The following GALR1 variants were observed in gnomAD, a reference collection of about 807,000 sequenced individuals.
The protein encoded by GALR1 is galanin receptor type 1.
In GALR1, 11 loss-of-function variants were observed where a neutral mutation model predicts 17.9. That is an observed-to-expected ratio of 0.62 (90% CI 0.39 to 1.02). GALR1 has a LOEUF of 1.02. Ranked by LOEUF, GALR1 falls within the 50% of genes least tolerant of loss-of-function variation. The probability of loss-of-function intolerance (pLI) is 0.01; values close to 1 mark genes in which losing one functional copy is unlikely to be tolerated. For synonymous variants in GALR1, 206 were observed against 205.7 expected (o/e 1.00, Z -0.01); for missense variants, 441 against 456.9 (o/e 0.97, Z 0.32).
chr18:77,254,402 G>A (rs1022849432), intron 1 of GALR1, among the ~76,000 whole-genome samples: 2 of 152,200 alleles, frequency 1.3e-5, no homozygotes, highest in Non-Finnish European at 2.9e-5. Flanking sequence ...AACATTCTTG[G>A]GTGTTTTGAA....
intron 2 of GALR1, among the ~76,000 whole-genome samples, chr18:77,260,047 T>G (rs998400719): frequency 5.9e-5 from 9 of 152,140 alleles, no homozygotes; most frequent in Admixed American, 5.9e-4. Flanking sequence ...TTTCTCTCAA[T>G]GTATAAGTAA....
Position 77,273,428 on chromosome 18 carries a change from G to T in GALR1, c.*4526G>T, listed in dbSNP as rs1220764268. 1.3e-5 allele frequency: 2 copies of T among 152,204 alleles called. No homozygotes were observed. The highest frequency in any genetic ancestry group is 2.9e-5 in the Non-Finnish European group (2 of 68,078). The allele number at this position is 152,204 out of a possible 1,614,324, so 9.4% of individuals were successfully genotyped here. A position where few individuals can be genotyped will look rare whatever the true frequency, so the allele number is the denominator to read the frequency against. ...GGCCGAGGCAGGTGGATCACCTGAG[G>T]TCGGGAGTTCGAGACCAGCCTGACC... On this transcript the variant is annotated 3_prime_UTR_variant, in exon 3 of 3. Coordinates refer to ENST00000299727, the MANE Select transcript of GALR1 (RefSeq NM_001480.4).
At chr18:77,258,841 G>GATC (rs1912698982) in intron 2 of GALR1, among the ~76,000 whole-genome samples, 1 of 3,850 alleles carries the variant, frequency 2.6e-4, no homozygotes, top group African/African-American at 6.9e-4. Context: ...TGATGGTGGT[G>GATC]ATGGTGGTGG....
At chr18:77,251,948 C>T (rs1196916514) in intron 1 of GALR1, among the ~76,000 whole-genome samples, 1 of 152,210 alleles carries the variant, frequency 6.6e-6, no homozygotes, top group East Asian at 1.9e-4. Context: ...CCGCAGGCTC[C>T]AGGAACTTGG....
At chr18:77,264,917 G>C (rs1912914343) in intron 2 of GALR1, among the ~76,000 whole-genome samples, 1 of 152,112 alleles carries the variant, frequency 6.6e-6, no homozygotes, top group Non-Finnish European at 1.5e-5. Context: ...GGGGATTATA[G>C]GAACTACAAT....
At chr18:77,256,085 A>G (rs771158467) in intron 1 of GALR1, 73 bp from the exon 2 acceptor site, 10 of 778,704 alleles carry the variant, frequency 1.3e-5, no homozygotes, top group Admixed American at 2.2e-5. Flanking sequence ...GCATGTCAAT[A>G]ATTGTTAATG....
Position 77,271,660 on chromosome 18 carries a change from T to C in GALR1, c.*2758T>C, listed in dbSNP as rs1913068533. The stretch of plus-strand genomic sequence containing the variant: ...CAGGTTGAGGGAGAAATATTGCTTA[T>C]ACCTTTGAAGTCAGGCTGCTTGAAA... On this transcript the variant is annotated 3_prime_UTR_variant, in exon 3 of 3. Coordinates refer to ENST00000299727, the MANE Select transcript of GALR1 (RefSeq NM_001480.4). 1 of 152,202 alleles carries C rather than the reference T, an allele frequency of 6.6e-6. No individual in the cohort carries two copies. The highest frequency in any genetic ancestry group is 1.5e-5 in the Non-Finnish European group (1 of 68,040). 9.4% of individuals were successfully genotyped at this position (152,202 alleles called of 1,614,324 possible).
rs577285257 is a variant in GALR1, at chr18:77,250,595, C to A, written c.47C>A (p.Pro16Gln). 2.3e-5 allele frequency: 35 copies of A among 1,552,090 alleles called. No individual in the cohort carries two copies. The African/African-American group carries it at 4.4e-4, about 19-fold the overall frequency. Residue 16 changes from proline (P) to glutamine (Q), a missense_variant, in exon 1 of 3, where the codon CCG becomes CAG. Physicochemically the swap from Pro to Gln is moderately conservative, Grantham distance 76. Coordinates refer to ENST00000299727, the MANE Select transcript of GALR1 (RefSeq NM_001480.4). ...CTCAGCGAGGGCAACGCGAGCTGGC[C>A]GGAGCCCCCCGCCCCGGAGCCCGGG... ...GNLSEGNASW[P>Q]EPPAPEPGPL... is the part of the protein sequence containing the mutation.
intron 2 of GALR1, among the ~76,000 whole-genome samples, chr18:77,257,305 TTA>T (rs1327622704): frequency 6.6e-6 from 1 of 152,136 alleles, no homozygotes; most frequent in African/African-American, 2.4e-5. Flanking sequence ...AAAAATTAGC[TTA>T]TGTTAGAAAT....
rs199730182 is a variant in GALR1 at position 77,268,728 on chromosome 18, G to A, written c.876G>A (p.Ala292=). 5.5e-5 allele frequency: 89 copies of A among 1,613,984 alleles called. No homozygotes were observed. Among genetic ancestry groups the A allele is most frequent in the Non-Finnish European group, 7.3e-5 (86 of 1,180,044 alleles). The change falls in exon 3 of 3, where the codon GCG becomes GCA. Residue 292 remains alanine (A), a synonymous_variant. Coordinates refer to ENST00000299727, the MANE Select transcript of GALR1 (RefSeq NM_001480.4). ...TCAGAATCACCGCCCACTGCCTGGC[G>A]TACAGCAATTCCTCCGTGAATCCTA... The part of the protein sequence containing the change: ...FLFRITAHCL[A]YSNSSVNPII...
At chr18:77,261,052 C>G (rs1315989567) in intron 2 of GALR1, among the ~76,000 whole-genome samples, 2 of 151,508 alleles carry the variant, frequency 1.3e-5, no homozygotes, top group Non-Finnish European at 2.9e-5. Flanking sequence ...TTCTCCCCAG[C>G]CAAATTCCAT....
chr18:77,258,815 GTGGTGGTGGTGC>G (rs1308558439), intron 2 of GALR1, among the ~76,000 whole-genome samples: 3 of 102,548 alleles, frequency 2.9e-5, no homozygotes, highest in African/African-American at 1.2e-4. Context: ...GGTGGTCATA[GTGGTGGTGGTGC>G]TGGTGATGGT....
chr18:77,252,923 T>TCACCACCATCAC (rs1912475536), intron 1 of GALR1, among the ~76,000 whole-genome samples: 3 of 84,688 alleles, frequency 3.5e-5, no homozygotes, highest in African/African-American at 4.9e-5. Context: ...ACCACCACCA[T>TCACCACCATCAC]CACCACCACC....
chr18:77,263,507 C>T (rs1430448131), intron 2 of GALR1, among the ~76,000 whole-genome samples: 1 of 152,192 alleles, frequency 6.6e-6, no homozygotes, highest in African/African-American at 2.4e-5. Flanking sequence ...ATACAACCAG[C>T]TTATGGCATG....
At chr18:77,268,027 G>T (rs1912979776) in intron 2 of GALR1, among the ~76,000 whole-genome samples, 1 of 152,092 alleles carries the variant, frequency 6.6e-6, no homozygotes. Flanking sequence ...ATGAAAGAAA[G>T]CAAAAGGGAC....
chr18:77,268,542 G>GCCTCCTCCT (rs71876994), intron 2 of GALR1, 43 bp from the exon 3 acceptor site: 55 of 1,329,782 alleles, frequency 4.1e-5, no homozygotes, highest in Admixed American at 3.8e-4. Flanking sequence ...CTCCCTTACC[G>GCCTCCTCCT]CCTCCTCCTC....
At chr18:77,253,010 CCACCACCACCACCATCACCACCAT>C (rs1912502082) in intron 1 of GALR1, among the ~76,000 whole-genome samples, 2 of 62,614 alleles carry the variant, frequency 3.2e-5, no homozygotes, top group Admixed American at 1.6e-4. Flanking sequence ...ACCACCACCA[CCACCACCACCACCATCACCACCAT>C]CACCACCACC....
chr18:77,259,150 CATGGTGGTGATG>C lies in GALR1; in HGVS notation c.732+2972_732+2983del, dbSNP rs1315820747. On this transcript the variant is annotated intron_variant, in intron 2 of 2. Transcript: ENST00000299727. Reference sequence around the variant, plus strand: ...TGGTGTTGGTGGTGGTCATGGTGGTCATGGTGGTGATGATGGTGGTGATGATGGTGGTGATGA... The same window carrying C: ...TGGTGTTGGTGGTGGTCATGGTGGTCATGGTGGTGATGATGGTGGTGATGA... 2.3e-3 allele frequency among the ~76,000 whole-genome samples: 5 copies of C among 2,142 alleles called. 1 individual carries two copies. The highest frequency in any genetic ancestry group is 2.8e-3 in the African/African-American group (5 of 1,816). 1.4% of individuals were successfully genotyped at this position (2,142 alleles called of 152,430 possible). A position where few individuals can be genotyped will look rare whatever the true frequency, so the allele number is the denominator to read the frequency against.
At chr18:77,259,925 C>T (rs1435517706) in intron 2 of GALR1, among the ~76,000 whole-genome samples, 4 of 151,954 alleles carry the variant, frequency 2.6e-5, no homozygotes, top group Admixed American at 1.3e-4. Flanking sequence ...GTTGGTCCAT[C>T]GTGGGTATTT....
Sources: gnomAD v4.1 joint callset for allele counts (sites outside exome capture counted in the v4.1 genomes callset) on GRCh38, gnomAD v4.1.1 for gene constraint, MANE v1.5 for transcripts, NCBI Gene and HGNC (gene_info 2026-07-23, HGNC 2026-07-21) for gene names.